ITGAD: variants seen among roughly 807,000 people sequenced by gnomAD.
The protein encoded by ITGAD is integrin subunit alpha D, also known as integrin alpha-D.
ITGAD carries 105 observed loss-of-function variants against 139.0 expected under a neutral mutation model. The observed-to-expected ratio is 0.76, with a 90% CI of 0.65 to 0.89. The LOEUF (loss-of-function observed/expected upper bound fraction) is 0.89. Ranked by LOEUF, ITGAD falls within the 40% of genes least tolerant of loss-of-function variation. The pLI is 0.00. For missense variants in ITGAD, 1,384 were observed against 1,487.3 expected (o/e 0.93, Z 1.14); for synonymous variants, 569 against 598.3 (o/e 0.95, Z 0.71).
At position 31,424,119 on chromosome 16, in the gene ITGAD, G is replaced by A; in HGVS notation, c.3177G>A (p.Val1059=). The A allele has an allele frequency of 6.2e-7, 1 of 1,614,250 alleles. No individual in the cohort carries two copies. Among genetic ancestry groups the A allele is most frequent in the Non-Finnish European group, 8.5e-7 (1 of 1,180,040 alleles). The change falls in exon 28 of 30, where the codon GTG becomes GTA. Residue 1059 remains valine (V), a synonymous_variant. Coordinates refer to ENST00000389202, the MANE Select transcript of ITGAD (RefSeq NM_005353.3). ...CTTTGCAGACATTGCAGAAGAAGGT[G>A]TTGGTCGTGAGTGTGGCTGAAATTA... is the stretch of plus-strand genomic sequence containing the variant. The part of the protein sequence containing the change: ...GWVRETLQKK[V]LVVSVAEITF...
In ITGAD at chr16:31,397,912, A is replaced by G; in HGVS notation, c.427+3A>G. The G allele has an allele frequency of 6.2e-7, 1 of 1,607,714 alleles. No homozygotes were observed. Among genetic ancestry groups the G allele is most frequent in the South Asian group, 1.1e-5 (1 of 90,242 alleles). ...GACAGTCCCCGACGCCACGCCAGGT[A>G]GGTCCCTGGCAGGCCATGGTTCCCT... On this transcript the variant is annotated splice_donor_region_variant and intron_variant, in intron 5 of 29. Transcript: ENST00000389202.
chr16:31,405,647 T>C (rs1567331822), intron 7 of ITGAD, among the ~76,000 whole-genome samples: 2 of 146,298 alleles, frequency 1.4e-5, no homozygotes, highest in Non-Finnish European at 3.0e-5. Flanking sequence ...TTCCTTTTTT[T>C]TTTTTTTTTT....
intron 2 of ITGAD, among the ~76,000 whole-genome samples, chr16:31,394,664 T>C (rs1475152205): frequency 6.6e-6 from 1 of 152,160 alleles, no homozygotes; most frequent in African/African-American, 2.4e-5. Flanking sequence ...CCTTGACCTC[T>C]TGAAATTCCT....
At chr16:31,411,883 T>C (rs2081727508) in intron 14 of ITGAD, among the ~76,000 whole-genome samples, 3 of 152,202 alleles carry the variant, frequency 2.0e-5, no homozygotes, top group African/African-American at 7.2e-5. Context: ...GTGAGAGTGC[T>C]AAGGCAATCA....
chr16:31,423,513 C>T, intron 25 of ITGAD, 54 bp downstream of exon 25: 2 of 1,602,346 alleles, frequency 1.2e-6, no homozygotes, highest in African/African-American at 2.7e-5. Context: ...GCACAGCACT[C>T]CCTCTTACCA....
At chr16:31,408,627 G>A (rs1281992913) in intron 10 of ITGAD, 129 bp downstream of exon 10, 7 of 745,372 alleles carry the variant, frequency 9.4e-6, no homozygotes, top group Middle Eastern at 3.2e-4. Context: ...AGGCCCCCAC[G>A]CGTGTGTTAG....
At chr16:31,406,555 G>A (rs1272244137) in intron 7 of ITGAD, among the ~76,000 whole-genome samples, 4 of 152,162 alleles carry the variant, frequency 2.6e-5, no homozygotes, top group Non-Finnish European at 5.9e-5. Flanking sequence ...CCAGCACTAA[G>A]CTGGTGTCTG....
rs1213823651 is a variant in ITGAD at position 31,397,372 on chromosome 16, GCA to G, written c.153_154del (p.Leu53GlyfsTer13). On this transcript the variant is annotated frameshift_variant, in exon 3 of 30. Coordinates refer to ENST00000389202, the MANE Select transcript of ITGAD (RefSeq NM_005353.3). LOFTEE classifies it high-confidence loss of function. ...TTGTGTCTCCAGACTCGTGGTGGGA[GCA>G]CCCCTGGAGGTGGTGGCGGCCAACC... ...QFGGSRLVVG[A>X]PLEVVAANQT... The G allele has an allele frequency of 1.3e-6, 2 of 1,599,510 alleles. No individual in the cohort carries two copies. Among genetic ancestry groups the G allele is most frequent in the Admixed American group, 3.4e-5 (2 of 58,358 alleles).
intron 16 of ITGAD, among the ~76,000 whole-genome samples, chr16:31,413,562 CA>C (rs1402493642): frequency 6.6e-6 from 1 of 152,166 alleles, no homozygotes; most frequent in Non-Finnish European, 1.5e-5. Context: ...CCCTCCCACC[CA>C]TTTTCCACAG....
Position 31,407,795 on chromosome 16 carries a change from C to T in ITGAD, c.888C>T (p.Ala296=). The change falls in exon 9 of 30, where the codon GCC becomes GCT. Residue 296 remains alanine, a synonymous_variant. Transcript: ENST00000389202. ...GACACGCTTTCCAGGGACCCACTGC[C>T]AGGCAGGAGCTGAATACCATCAGCT... ...GVGHAFQGPT[A]RQELNTISSA... 1 of 1,613,984 alleles carries T rather than the reference C, an allele frequency of 6.2e-7. No individual in the cohort carries two copies. Among genetic ancestry groups the T allele is most frequent in the Non-Finnish European group, 8.5e-7 (1 of 1,179,850 alleles).
intron 7 of ITGAD, among the ~76,000 whole-genome samples, chr16:31,405,640 C>CTTTT (rs569550173): frequency 9.6e-6 from 1 of 104,014 alleles, no homozygotes; most frequent in Non-Finnish European, 1.9e-5. Context: ...TTTTGTTTTC[C>CTTTT]TTTTTTTTTT....
intron 7 of ITGAD, chr16:31,404,622 A>T (rs910166225): frequency 2.0e-5 from 3 of 152,372 alleles, no homozygotes; most frequent in African/African-American, 7.2e-5. Flanking sequence ...CCTGGGGAAA[A>T]AAATGAATGA....
chr16:31,393,445 C>A (rs2081186195), intron 1 of ITGAD, 54 bp downstream of exon 1: 6 of 1,597,190 alleles, frequency 3.8e-6, no homozygotes, highest in African/African-American at 1.3e-5. Context: ...GAGGGGACTC[C>A]ATCTGGGAGG....
rs757858275 is a variant in ITGAD, at chr16:31,394,340, C to T, written c.136C>T (p.Arg46Ter). 1.4e-5 allele frequency: 22 copies of T among 1,610,250 alleles called. No individual in the cohort carries two copies. The East Asian group carries it at 1.6e-4, about 11-fold the overall frequency. The change falls in exon 2 of 30, where the codon CGA (arginine) becomes TGA (stop). Residue 46 changes from arginine (R) to a stop codon, truncating the protein, a stop_gained and splice_region_variant. Coordinates refer to ENST00000389202, the MANE Select transcript of ITGAD (RefSeq NM_005353.3). LOFTEE classifies it high-confidence loss of function. ...GAGCGTGGTGCAGTTCGGTGGATCTCGGTAGGCCCCACTCACCCTCCTTCC... is the reference window on the plus strand; with the variant it reads ...GAGCGTGGTGCAGTTCGGTGGATCTTGGTAGGCCCCACTCACCCTCCTTCC... Reference protein sequence around the residue: ...GQSVVQFGGSRLVVGAPLEVV... With the variant: ...GQSVVQFGGS
Position 31,414,971 on chromosome 16 carries a change from C to T in ITGAD, c.2263C>T (p.Gln755Ter), listed in dbSNP as rs1288134842. Residue 755 changes from glutamine to a stop codon, truncating the protein, a stop_gained, in exon 18 of 30, where the codon CAA (glutamine) becomes TAA (stop). Transcript: ENST00000389202. LOFTEE classifies it high-confidence loss of function. ...GCGTCCTGTGCTGGCCGTGGGCTCA[C>T]AAGACCTCTTCACTGCTTCTGTGAG... is the stretch of plus-strand genomic sequence containing the variant. ...NLRPVLAVGS[Q>*]DLFTASLPFE... is the part of the protein sequence containing the mutation. 6.2e-7 allele frequency: 1 copy of T among 1,614,120 alleles called. No homozygotes were observed. Among genetic ancestry groups the T allele is most frequent in the Non-Finnish European group, 8.5e-7 (1 of 1,180,006 alleles).
At chr16:31,419,616 GC>G (rs1472679872) in intron 23 of ITGAD, among the ~76,000 whole-genome samples, 2 of 152,084 alleles carry the variant, frequency 1.3e-5, no homozygotes, top group African/African-American at 4.8e-5. Context: ...TTCAAGACCA[GC>G]CTGGCCAACA....
At chr16:31,412,742 C>T in intron 14 of ITGAD, 96 bp from the exon 15 acceptor site, 1 of 1,515,420 alleles carries the variant, frequency 6.6e-7, no homozygotes, top group Admixed American at 1.7e-5. Flanking sequence ...CCTTCTCTCC[C>T]TTTGCCACCA....
At position 31,411,168 on chromosome 16, in the gene ITGAD, T is replaced by A. The variant is rs199509356; in HGVS notation, c.1449T>A (p.Tyr483Ter). Residue 483 changes from tyrosine (Y) to a stop codon, truncating the protein, a stop_gained, in exon 13 of 30, where the codon TAT becomes TAA. Coordinates refer to ENST00000389202, the MANE Select transcript of ITGAD (RefSeq NM_005353.3). LOFTEE classifies it high-confidence loss of function. ...DLILIGAPHYYEQTRGGQVSV... is the reference protein window; with the variant it reads ...DLILIGAPHY The stretch of plus-strand genomic sequence containing the variant: ...TCCTCATTGGGGCCCCCCATTACTA[T>A]GAGCAGACCCGAGGGGGCCAGGTGT... 4 of 1,613,630 alleles carry A rather than the reference T, an allele frequency of 2.5e-6. No individual in the cohort carries two copies. The highest frequency in any genetic ancestry group is 1.1e-5 in the South Asian group (1 of 91,068).
chr16:31,414,228 CTATT>C (rs1195005174), intron 16 of ITGAD, among the ~76,000 whole-genome samples: 2 of 143,200 alleles, frequency 1.4e-5, no homozygotes, highest in Non-Finnish European at 3.1e-5. Context: ...AATCTATCAT[CTATT>C]TATCTATTAT....
Sources: gnomAD v4.1 joint callset for allele counts (sites outside exome capture counted in the v4.1 genomes callset) on GRCh38, gnomAD v4.1.1 for gene constraint, MANE v1.5 for transcripts, NCBI Gene and HGNC (gene_info 2026-07-23, HGNC 2026-07-21) for gene names.